Variants in RNF150 observed in about 807,000 individuals in gnomAD.
RNF150 encodes the protein ring finger protein 150.
A neutral mutation model predicts 39.3 loss-of-function variants in RNF150; 24 were observed. That is an observed-to-expected ratio of 0.61 (90% confidence interval 0.44 to 0.86). RNF150 has a LOEUF of 0.86. Ranked by LOEUF, RNF150 falls within the 40% of genes least tolerant of loss-of-function variation. The pLI, the probability that RNF150 is intolerant of heterozygous loss-of-function variation, is 0.00. For missense variants in RNF150, 502 were observed against 587.8 expected (o/e 0.85, Z 1.51); for synonymous variants, 255 against 227.3 (o/e 1.12, Z -1.10).
intron 2 of RNF150, among the ~76,000 whole-genome samples, chr4:140,954,382 T>G (rs1302109138): frequency 6.6e-6 from 1 of 152,000 alleles, no homozygotes; most frequent in Non-Finnish European, 1.5e-5. Context: ...ACCCAGGTAA[T>G]TTTTGTATTT....
intron 1 of RNF150, among the ~76,000 whole-genome samples, chr4:141,042,437 C>T (rs1736405699): frequency 6.6e-6 from 1 of 152,050 alleles, no homozygotes; most frequent in African/African-American, 2.4e-5. Context: ...AAGCTGGCTA[C>T]ATTCTAAAAT....
At chr4:141,072,863 A>G (rs912663630) in intron 1 of RNF150, among the ~76,000 whole-genome samples, 1 of 152,176 alleles carries the variant, frequency 6.6e-6, no homozygotes, top group African/African-American at 2.4e-5. Context: ...AAAACAAAAA[A>G]GGCTTCCATA....
chr4:141,164,470 A>G (rs1186961406), intron 1 of RNF150, among the ~76,000 whole-genome samples: 3 of 152,122 alleles, frequency 2.0e-5, no homozygotes, highest in Non-Finnish European at 4.4e-5. Flanking sequence ...AAAGATACTC[A>G]TCGAGCAAAG....
At chr4:141,040,047 T>C (rs1283321279) in intron 1 of RNF150, among the ~76,000 whole-genome samples, 1 of 152,156 alleles carries the variant, frequency 6.6e-6, no homozygotes, top group Non-Finnish European at 1.5e-5. Flanking sequence ...TCCTTCTCCA[T>C]GCTATCTTCC....
At chr4:140,943,994 G>A (rs1158276577) in intron 4 of RNF150, among the ~76,000 whole-genome samples, 1 of 152,166 alleles carries the variant, frequency 6.6e-6, no homozygotes, top group Non-Finnish European at 1.5e-5. Flanking sequence ...TGGCAAATAA[G>A]GACTTTTGGC....
At chr4:141,086,738 G>A (rs1423651597) in intron 1 of RNF150, among the ~76,000 whole-genome samples, 1 of 151,084 alleles carries the variant, frequency 6.6e-6, no homozygotes. Flanking sequence ...GATAGCCAGA[G>A]TTGAAATTAT....
intron 1 of RNF150, among the ~76,000 whole-genome samples, chr4:141,102,345 A>G (rs1330875280): frequency 6.6e-6 from 1 of 152,216 alleles, no homozygotes; most frequent in East Asian, 1.9e-4. Flanking sequence ...AAAGGAGGAA[A>G]GGCAATAAAC....
intron 5 of RNF150, among the ~76,000 whole-genome samples, chr4:140,917,008 C>G (rs1212336531): frequency 6.6e-6 from 1 of 152,098 alleles, no homozygotes; most frequent in South Asian, 2.1e-4. Context: ...ATTTTGTCAC[C>G]ACCAGGCCTG....
chr4:141,178,634 G>A (rs945295604), intron 1 of RNF150, among the ~76,000 whole-genome samples: 5 of 152,076 alleles, frequency 3.3e-5, no homozygotes, highest in Admixed American at 6.6e-5. Context: ...AAGTTCCTTA[G>A]GGTTAGTGGG....
chr4:140,941,122 A>G (rs1732067587), intron 4 of RNF150, among the ~76,000 whole-genome samples: 1 of 152,246 alleles, frequency 6.6e-6, no homozygotes, highest in Non-Finnish European at 1.5e-5. Flanking sequence ...GATGGGGCTA[A>G]AAAACACCTT....
At chr4:141,070,920 G>T (rs1165641949) in intron 1 of RNF150, among the ~76,000 whole-genome samples, 1 of 144,702 alleles carries the variant, frequency 6.9e-6, no homozygotes, top group Non-Finnish European at 1.5e-5. Context: ...CTGCTATAAA[G>T]ACTCATGCAC....
chr4:141,057,075 A>G (rs1737007389), intron 1 of RNF150, among the ~76,000 whole-genome samples: 1 of 152,094 alleles, frequency 6.6e-6, no homozygotes, highest in Non-Finnish European at 1.5e-5. Flanking sequence ...AATGGAGGTA[A>G]AAATTGGTAA....
At chr4:141,054,419 T>C (rs1216767355) in intron 1 of RNF150, among the ~76,000 whole-genome samples, 1 of 152,136 alleles carries the variant, frequency 6.6e-6, no homozygotes, top group African/African-American at 2.4e-5. Flanking sequence ...CTTTTTATTC[T>C]CCCTTAGCCC....
intron 1 of RNF150, among the ~76,000 whole-genome samples, chr4:140,983,712 G>A (rs1733932679): frequency 6.7e-6 from 1 of 149,562 alleles, no homozygotes; most frequent in South Asian, 2.1e-4. Flanking sequence ...TGGAGATGGT[G>A]AATAACTTTG....
intron 2 of RNF150, among the ~76,000 whole-genome samples, chr4:140,953,672 C>G (rs1732630448): frequency 6.6e-6 from 1 of 151,706 alleles, no homozygotes; most frequent in African/African-American, 2.4e-5. Flanking sequence ...TACACACATG[C>G]AGAGAAGACC....
At chr4:140,959,797 G>GT (rs1732942397) in intron 2 of RNF150, among the ~76,000 whole-genome samples, 3 of 152,062 alleles carry the variant, frequency 2.0e-5, no homozygotes, top group African/African-American at 7.2e-5. Flanking sequence ...CCAGATAGTG[G>GT]TAAGAATTGG....
chr4:140,895,998 C>T (rs796628159), intron 6 of RNF150, among the ~76,000 whole-genome samples: 5 of 139,600 alleles, frequency 3.6e-5, no homozygotes, highest in African/African-American at 8.3e-5. Flanking sequence ...TATCATCTCA[C>T]ACCAGTTAGA....
chr4:141,000,019 AGAAGAAG>A (rs1734569974), intron 1 of RNF150, among the ~76,000 whole-genome samples: 3 of 39,066 alleles, frequency 7.7e-5, no homozygotes, highest in Admixed American at 3.2e-4. Context: ...AAGAAGAAGA[AGAAGAAG>A]AAGAAGAAGA....
chr4:141,165,134 C>T (rs1187351969), intron 1 of RNF150, among the ~76,000 whole-genome samples: 1 of 152,084 alleles, frequency 6.6e-6, no homozygotes, highest in Non-Finnish European at 1.5e-5. Flanking sequence ...CAAAAAACAG[C>T]AGGGGTTGCA....
Sources: gnomAD v4.1 joint callset for allele counts (sites outside exome capture counted in the v4.1 genomes callset) on GRCh38, gnomAD v4.1.1 for gene constraint, MANE v1.5 for transcripts, NCBI Gene and HGNC (gene_info 2026-07-23, HGNC 2026-07-21) for gene names.